Variants in PPP3CA observed in about 807,000 individuals in gnomAD.
PPP3CA encodes the protein CAM-PRP catalytic subunit.
A neutral mutation model predicts 66.5 loss-of-function variants in PPP3CA; 14 were observed. The observed-to-expected ratio is 0.21, with a 90% CI of 0.14 to 0.33. The LOEUF (loss-of-function observed/expected upper bound fraction) is 0.33, where lower values mean the gene tolerates loss of function less well. PPP3CA is among the 10% of genes least tolerant of loss of function. The pLI is 1.00. For missense variants in PPP3CA, 317 were observed against 639.5 expected (o/e 0.50, Z 5.44); for synonymous variants, 232 against 226.2 (o/e 1.03, Z -0.23).
chr4:101,047,147 A>C (rs1018397795), intron 10 of PPP3CA, among the ~76,000 whole-genome samples: 1 of 152,204 alleles, frequency 6.6e-6, no homozygotes, highest in Non-Finnish European at 1.5e-5. Context: ...GATGTTATGC[A>C]GAAGTTACTT....
chr4:101,094,891 AT>A (rs1730124808), intron 5 of PPP3CA, among the ~76,000 whole-genome samples: 1 of 152,154 alleles, frequency 6.6e-6, no homozygotes, highest in Non-Finnish European at 1.5e-5. Flanking sequence ...TTGAAAATCT[AT>A]TAAGAATTGA....
intron 2 of PPP3CA, among the ~76,000 whole-genome samples, chr4:101,125,177 C>A (rs1722207641): frequency 6.6e-6 from 1 of 152,200 alleles, no homozygotes; most frequent in South Asian, 2.1e-4. Flanking sequence ...CTTTGCAAAT[C>A]TTGCCATTCA....
chr4:101,212,912 G>A (rs890677497), intron 1 of PPP3CA, among the ~76,000 whole-genome samples: 2 of 151,920 alleles, frequency 1.3e-5, no homozygotes, highest in Non-Finnish European at 2.9e-5. Context: ...ATTTATTTAT[G>A]GCAAGTTTTC....
At chr4:101,095,878 C>T (rs947876157) in intron 5 of PPP3CA, among the ~76,000 whole-genome samples, 2 of 152,108 alleles carry the variant, frequency 1.3e-5, no homozygotes, top group Non-Finnish European at 2.9e-5. Context: ...TCTCGAACTC[C>T]TGACCTCATG....
At chr4:101,176,454 G>C (rs6847045) in intron 2 of PPP3CA, among the ~76,000 whole-genome samples, 312 of 152,274 alleles carry the variant, frequency 2.0e-3, no homozygotes, top group African/African-American at 7.1e-3. Context: ...GCATCTAGAA[G>C]ACCAGAGTTC....
At chr4:101,060,977 T>A in intron 10 of PPP3CA, 110 bp downstream of exon 10, 1 of 901,912 alleles carries the variant, frequency 1.1e-6, no homozygotes, top group South Asian at 1.5e-5. Flanking sequence ...CTCAATAATG[T>A]TACGTTTTAA....
At chr4:101,136,847 AC>A (rs1304629976) in intron 2 of PPP3CA, among the ~76,000 whole-genome samples, 1 of 152,062 alleles carries the variant, frequency 6.6e-6, no homozygotes, top group African/African-American at 2.4e-5. Context: ...GTGTTTTTGA[AC>A]AATAACATTT....
At chr4:101,151,485 G>A (rs918080188) in intron 2 of PPP3CA, among the ~76,000 whole-genome samples, 6 of 150,912 alleles carry the variant, frequency 4.0e-5, no homozygotes, top group African/African-American at 1.5e-4. Flanking sequence ...CTTGAACCCG[G>A]GAGGTGGAGG....
intron 2 of PPP3CA, among the ~76,000 whole-genome samples, chr4:101,141,085 C>T (rs1443121752): frequency 6.6e-6 from 1 of 152,128 alleles, no homozygotes; most frequent in Non-Finnish European, 1.5e-5. Context: ...TTTCTCTGCT[C>T]AAAACCCTGC....
intron 2 of PPP3CA, among the ~76,000 whole-genome samples, chr4:101,174,131 A>G (rs1292157419): frequency 6.6e-6 from 1 of 151,696 alleles, no homozygotes; most frequent in Non-Finnish European, 1.5e-5. Flanking sequence ...AAAAAAAACC[A>G]CGTTGTTAAC....
chr4:101,158,566 G>A (rs1248974514), intron 2 of PPP3CA, among the ~76,000 whole-genome samples: 6 of 152,306 alleles, frequency 3.9e-5, no homozygotes, highest in Non-Finnish European at 5.9e-5. Context: ...AATGTCAGAT[G>A]AGAAATCATG....
Position 101,086,872 on chromosome 4 carries a change from G to A in PPP3CA, c.783-3609C>T, listed in dbSNP as rs114734416. Reference sequence around the variant, plus strand: ...TAGCAGCAATCTGTCAGCTTATTGGGGCTTATGCTCAATTGCTGAAGTAGC... The same window carrying A: ...TAGCAGCAATCTGTCAGCTTATTGGAGCTTATGCTCAATTGCTGAAGTAGC... On this transcript the variant is annotated intron_variant, in intron 6 of 13. Transcript: ENST00000394854. Among the ~76,000 whole-genome samples, 153 of 152,256 alleles carry A rather than the reference G, an allele frequency of 1.0e-3. 1 individual carries two copies. Among genetic ancestry groups the A allele is most frequent in the African/African-American group, 3.6e-3 (149 of 41,546 alleles).
At position 101,056,800 on chromosome 4, in the gene PPP3CA, T is replaced by C. The variant is rs185591795; in HGVS notation, c.1156+4287A>G. On this transcript the variant is annotated intron_variant, in intron 10 of 13. Coordinates refer to ENST00000394854, the MANE Select transcript of PPP3CA (RefSeq NM_000944.5). ...AGGCAGGAAGGACAGGGTGCCGCAA[T>C]TGGAAATTTTATCCTAAGGTTGGAA... Among the ~76,000 whole-genome samples the C allele has an allele frequency of 2.5e-3, 372 of 151,028 alleles. 3 individuals carry two copies. Among genetic ancestry groups the C allele is most frequent in the African/African-American group, 8.4e-3 (343 of 41,058 alleles).
At chr4:101,176,693 C>A (rs926296002) in intron 2 of PPP3CA, among the ~76,000 whole-genome samples, 2 of 152,100 alleles carry the variant, frequency 1.3e-5, no homozygotes, top group Non-Finnish European at 2.9e-5. Flanking sequence ...GGGCAAATGA[C>A]TAACCCTTGA....
At chr4:101,207,458 C>T (rs555224225) in intron 1 of PPP3CA, among the ~76,000 whole-genome samples, 2 of 152,306 alleles carry the variant, frequency 1.3e-5, no homozygotes, top group South Asian at 4.1e-4. Flanking sequence ...GCATGACAGG[C>T]TACCAGTCAA....
chr4:101,175,516 A>G (rs1295517346), intron 2 of PPP3CA, among the ~76,000 whole-genome samples: 2 of 152,150 alleles, frequency 1.3e-5, no homozygotes, highest in Non-Finnish European at 2.9e-5. Flanking sequence ...TTTAGCCTTA[A>G]TGTTTCTTCC....
chr4:101,032,496 A>T (rs557861459), intron 11 of PPP3CA, 132 bp from the exon 12 acceptor site: 3 of 701,414 alleles, frequency 4.3e-6, no homozygotes, highest in East Asian at 2.7e-5. Flanking sequence ...ATCTTTTTTT[A>T]AAATTTTTTT....
At position 101,120,048 on chromosome 4, in the gene PPP3CA, C is replaced by T. The variant is rs187560128; in HGVS notation, c.260-10970G>A. On this transcript the variant is annotated intron_variant, in intron 2 of 13. Coordinates refer to ENST00000394854, the MANE Select transcript of PPP3CA (RefSeq NM_000944.5). Reference sequence around the variant, plus strand: ...AGGTTCATTTAAAATCTAAGAAAATCTGTTAAGAAAAAGTGTTATCTGAAA... The same window carrying T: ...AGGTTCATTTAAAATCTAAGAAAATTTGTTAAGAAAAAGTGTTATCTGAAA... 6.4e-3 allele frequency among the ~76,000 whole-genome samples: 975 copies of T among 152,118 alleles called. 9 individuals are homozygous for T. Among genetic ancestry groups the T allele is most frequent in the Non-Finnish European group, 0.01 (713 of 67,934 alleles).
intron 7 of PPP3CA, among the ~76,000 whole-genome samples, chr4:101,081,093 G>A (rs1729420902): frequency 6.6e-6 from 1 of 151,996 alleles, no homozygotes; most frequent in African/African-American, 2.4e-5. Flanking sequence ...ATTCTGTAAA[G>A]CATTTTGCCT....
Sources: gnomAD v4.1 joint callset for allele counts (sites outside exome capture counted in the v4.1 genomes callset) on GRCh38, gnomAD v4.1.1 for gene constraint, MANE v1.5 for transcripts, NCBI Gene and HGNC (gene_info 2026-07-23, HGNC 2026-07-21) for gene names.